The following MGMT variants were observed in gnomAD, a reference collection of about 807,000 sequenced individuals.
The protein encoded by MGMT is methylated-DNA--protein-cysteine methyltransferase.
In MGMT, 14 loss-of-function variants were observed where a neutral mutation model predicts 15.9. The observed-to-expected ratio is 0.88, with a 90% CI of 0.58 to 1.37. The LOEUF (loss-of-function observed/expected upper bound fraction) is 1.37, where lower values mean the gene tolerates loss of function less well. Ranked by LOEUF, MGMT falls within the 40% of genes most tolerant of loss-of-function variation. The pLI, the probability that MGMT is intolerant of heterozygous loss-of-function variation, is 0.00. For missense variants in MGMT, 282 were observed against 268.1 expected, an observed-to-expected ratio of 1.05 and a Z score of -0.36; for synonymous variants, 130 against 118.2, an observed-to-expected ratio of 1.10 and a Z score of -0.65.
At chr10:129,560,735 C>T (rs1472799865) in intron 2 of MGMT, among the ~76,000 whole-genome samples, 1 of 152,184 alleles carries the variant, frequency 6.6e-6, no homozygotes, top group Admixed American at 6.5e-5. Context: ...ATCAGCTGAA[C>T]GTCTTTTATT....
chr10:129,643,807 A>G (rs566702419), intron 2 of MGMT, among the ~76,000 whole-genome samples: 2 of 152,350 alleles, frequency 1.3e-5, no homozygotes, highest in African/African-American at 4.8e-5. Flanking sequence ...AAATTGAGGC[A>G]TCAAAGCTAT....
chr10:129,750,753 G>T (rs888448096), intron 3 of MGMT, among the ~76,000 whole-genome samples: 6 of 152,068 alleles, frequency 3.9e-5, no homozygotes, highest in African/African-American at 1.4e-4. Flanking sequence ...ATACCCAATG[G>T]ATACCAAGGA....
chr10:129,755,882 G>A (rs971244673), intron 3 of MGMT, among the ~76,000 whole-genome samples: 1 of 152,208 alleles, frequency 6.6e-6, no homozygotes, highest in African/African-American at 2.4e-5. Flanking sequence ...AGCCAGGCTG[G>A]TCCCGGTCTG....
chr10:129,540,450 T>C (rs7909964), intron 2 of MGMT, among the ~76,000 whole-genome samples: 62,584 of 152,056 alleles, frequency 0.41, 13,546 homozygotes, highest in East Asian at 0.63. Flanking sequence ...TGTTTCCTGG[T>C]TTGGGGGAGC....
At chr10:129,629,866 G>C (rs924243221) in intron 2 of MGMT, among the ~76,000 whole-genome samples, 1 of 152,190 alleles carries the variant, frequency 6.6e-6, no homozygotes, top group Non-Finnish European at 1.5e-5. Context: ...ATCCCTCCTA[G>C]TGAGCACAGA....
chr10:129,573,376 C>T (rs1409834358), intron 2 of MGMT, among the ~76,000 whole-genome samples: 1 of 152,280 alleles, frequency 6.6e-6, no homozygotes, highest in Admixed American at 6.5e-5. Flanking sequence ...ATGTTAACAG[C>T]TTACATAACC....
chr10:129,758,069 C>T (rs778490085), intron 3 of MGMT, among the ~76,000 whole-genome samples: 4 of 152,148 alleles, frequency 2.6e-5, no homozygotes, highest in Non-Finnish European at 4.4e-5. Context: ...TCTAGTATCA[C>T]CTGGATTATG....
At chr10:129,699,769 C>T (rs1848075136) in intron 2 of MGMT, among the ~76,000 whole-genome samples, 1 of 152,184 alleles carries the variant, frequency 6.6e-6, no homozygotes, top group Non-Finnish European at 1.5e-5. Context: ...CGTCCTTCTC[C>T]AGGAAGACCT....
At chr10:129,605,629 T>C (rs188400868) in intron 2 of MGMT, among the ~76,000 whole-genome samples, 350 of 152,366 alleles carry the variant, frequency 2.3e-3, no homozygotes, top group Non-Finnish European at 4.0e-3. Flanking sequence ...TTTTCCACTT[T>C]ATTGTCCTCC....
chr10:129,626,868 C>CTGG (rs1847155758), intron 2 of MGMT, among the ~76,000 whole-genome samples: 1 of 152,174 alleles, frequency 6.6e-6, no homozygotes, highest in African/African-American at 2.4e-5. Context: ...GACTATGGAG[C>CTGG]TGGTGTAAGG....
At chr10:129,692,636 C>T (rs1302561344) in intron 2 of MGMT, among the ~76,000 whole-genome samples, 2 of 152,152 alleles carry the variant, frequency 1.3e-5, no homozygotes, top group Admixed American at 6.5e-5. Context: ...GCAAGGGCAG[C>T]GAGGAGGTCC....
At chr10:129,740,384 G>T (rs186838293) in intron 3 of MGMT, among the ~76,000 whole-genome samples, 1 of 152,012 alleles carries the variant, frequency 6.6e-6, no homozygotes, top group Non-Finnish European at 1.5e-5. Context: ...CAGGAAACCA[G>T]GGAGAGCAAG....
chr10:129,512,397 G>A (rs76175170), intron 1 of MGMT, among the ~76,000 whole-genome samples: 1 of 152,068 alleles, frequency 6.6e-6, no homozygotes, highest in Non-Finnish European at 1.5e-5. Flanking sequence ...TAATAAACTA[G>A]TGTCTCAACT....
At chr10:129,603,374 G>A (rs186645073) in intron 2 of MGMT, among the ~76,000 whole-genome samples, 8 of 152,318 alleles carry the variant, frequency 5.3e-5, no homozygotes, top group Admixed American at 2.0e-4. Flanking sequence ...GACTGAGCGC[G>A]TTGGGTTGAT....
intron 3 of MGMT, among the ~76,000 whole-genome samples, chr10:129,748,379 T>G (rs1021575376): frequency 6.6e-6 from 1 of 152,218 alleles, no homozygotes; most frequent in Non-Finnish European, 1.5e-5. Context: ...CGTACTCTCC[T>G]CATCGTGGTT....
intron 2 of MGMT, among the ~76,000 whole-genome samples, chr10:129,575,105 G>A (rs943009187): frequency 1.3e-5 from 2 of 152,074 alleles, no homozygotes; most frequent in African/African-American, 4.8e-5. Flanking sequence ...ACACCCCACC[G>A]TTAACATTAG....
At chr10:129,714,738 G>A (rs1161409194) in intron 3 of MGMT, among the ~76,000 whole-genome samples, 1 of 152,092 alleles carries the variant, frequency 6.6e-6, no homozygotes, top group Admixed American at 6.5e-5. Flanking sequence ...AGCTATTTTT[G>A]TTTGAGACTT....
At chr10:129,674,295 ACTC>A (rs774642457) in intron 2 of MGMT, among the ~76,000 whole-genome samples, 3 of 152,080 alleles carry the variant, frequency 2.0e-5, no homozygotes, top group Non-Finnish European at 4.4e-5. Flanking sequence ...AATAGTATAA[ACTC>A]CTCACTGACG....
At chr10:129,689,201 T>G (rs1002553073) in intron 2 of MGMT, among the ~76,000 whole-genome samples, 1 of 152,230 alleles carries the variant, frequency 6.6e-6, no homozygotes, top group Non-Finnish European at 1.5e-5. Flanking sequence ...AGTGCTGGGA[T>G]TACAGGTGTG....
Sources: allele counts gnomAD v4.1 joint callset (sites outside exome capture counted in the v4.1 genomes callset), GRCh38; gene constraint gnomAD v4.1.1; transcripts MANE v1.5; gene names NCBI Gene and HGNC (gene_info 2026-07-23, HGNC 2026-07-21).